CALN1: variants seen among roughly 807,000 people sequenced by gnomAD.
CALN1 encodes calneuron 1.
Under a neutral mutation model 30.6 loss-of-function variants are expected in CALN1, and 17 were observed. The observed-to-expected ratio is 0.56, with a 90% CI of 0.38 to 0.83. The LOEUF (loss-of-function observed/expected upper bound fraction) is 0.83, where lower values mean the gene tolerates loss of function less well. Ranked by LOEUF, CALN1 falls within the 40% of genes least tolerant of loss-of-function variation. CALN1 has a pLI of 0.00. For missense variants in CALN1, 291 were observed against 354.9 expected, an observed-to-expected ratio of 0.82 and a Z score of 1.45; for synonymous variants, 156 against 131.4, an observed-to-expected ratio of 1.19 and a Z score of -1.28.
At chr7:72,229,248 A>T (rs1209733255) in intron 3 of CALN1, among the ~76,000 whole-genome samples, 1 of 152,024 alleles carries the variant, frequency 6.6e-6, no homozygotes, top group East Asian at 1.9e-4. Flanking sequence ...TTGCAGATGT[A>T]AAAAGAGATC....
chr7:72,393,150 A>G (rs1432079963), intron 2 of CALN1, among the ~76,000 whole-genome samples: 1 of 152,204 alleles, frequency 6.6e-6, no homozygotes, highest in Non-Finnish European at 1.5e-5. Flanking sequence ...AACCATCTTT[A>G]AAGTCCAATA....
chr7:72,114,425 A>G (rs1807821773), intron 3 of CALN1, among the ~76,000 whole-genome samples: 1 of 151,446 alleles, frequency 6.6e-6, no homozygotes, highest in Non-Finnish European at 1.5e-5. Flanking sequence ...TCTGAGTGAT[A>G]CCCTGGTGAT....
intron 5 of CALN1, among the ~76,000 whole-genome samples, chr7:71,959,022 TG>T (rs1427334517): frequency 6.6e-6 from 1 of 152,160 alleles, no homozygotes; most frequent in Non-Finnish European, 1.5e-5. Context: ...TTGGGTCACT[TG>T]TTAGTTATAA....
chr7:72,012,578 A>ACTT (rs1164805638), intron 5 of CALN1, among the ~76,000 whole-genome samples: 1 of 152,174 alleles, frequency 6.6e-6, no homozygotes, highest in African/African-American at 2.4e-5. Context: ...ATCATTTCAG[A>ACTT]CTTTTTCCCA....
intron 4 of CALN1, among the ~76,000 whole-genome samples, chr7:72,052,051 A>T (rs1215465919): frequency 2.0e-5 from 3 of 152,168 alleles, no homozygotes; most frequent in African/African-American, 7.2e-5. Context: ...GATACAAGTG[A>T]GAAAGATGAC....
chr7:72,243,323 T>C (rs980717827), intron 3 of CALN1, among the ~76,000 whole-genome samples: 1 of 152,190 alleles, frequency 6.6e-6, no homozygotes, highest in Non-Finnish European at 1.5e-5. Context: ...CCTAGCCCTT[T>C]AGAACTATGA....
chr7:72,279,400 C>T (rs777294116), intron 2 of CALN1, among the ~76,000 whole-genome samples: 2 of 152,226 alleles, frequency 1.3e-5, no homozygotes, highest in Admixed American at 6.5e-5. Flanking sequence ...ATGCTGCTTA[C>T]ATGAGTGGTG....
At chr7:72,063,127 A>C (rs1475140170) in intron 4 of CALN1, among the ~76,000 whole-genome samples, 1 of 152,230 alleles carries the variant, frequency 6.6e-6, no homozygotes, top group African/African-American at 2.4e-5. Flanking sequence ...TGATCAAAAA[A>C]AAGGATCAAG....
intron 4 of CALN1, among the ~76,000 whole-genome samples, chr7:72,042,710 T>C (rs981431670): frequency 2.0e-5 from 3 of 152,120 alleles, no homozygotes; most frequent in African/African-American, 7.2e-5. Context: ...CACTCCAGCC[T>C]GGGCACCAGA....
At chr7:72,477,193 A>G in the CALN1 span, among the ~76,000 whole-genome samples, 7 of 151,566 alleles carry the variant, frequency 4.6e-5, no homozygotes, top group African/African-American at 1.7e-4. Flanking sequence ...CCTGGATGAC[A>G]GAGCAAGACT....
chr7:71,938,612 T>C (rs1370728138), intron 5 of CALN1, among the ~76,000 whole-genome samples: 1 of 151,900 alleles, frequency 6.6e-6, no homozygotes, highest in Non-Finnish European at 1.5e-5. Context: ...CTGGCCAACA[T>C]GGTGAAACCC....
intron 2 of CALN1, among the ~76,000 whole-genome samples, chr7:72,394,489 G>A (rs142121375): frequency 1.4e-3 from 206 of 152,182 alleles, no homozygotes; most frequent in African/African-American, 4.4e-3. Flanking sequence ...ACATCATTAC[G>A]GGACTGGTCC....
At chr7:72,141,318 G>A (rs907608009) in intron 3 of CALN1, among the ~76,000 whole-genome samples, 1 of 151,932 alleles carries the variant, frequency 6.6e-6, no homozygotes, top group African/African-American at 2.4e-5. Flanking sequence ...AAGAAAAAAA[G>A]GCCAGGTGCA....
At chr7:72,398,448 TGA>T (rs1308175106) in intron 2 of CALN1, among the ~76,000 whole-genome samples, 2 of 152,244 alleles carry the variant, frequency 1.3e-5, no homozygotes, top group Non-Finnish European at 2.9e-5. Context: ...GTTTGGAACA[TGA>T]GTTATTTTTA....
chr7:72,342,896 A>C (rs1802448400), intron 2 of CALN1, among the ~76,000 whole-genome samples: 1 of 152,096 alleles, frequency 6.6e-6, no homozygotes, highest in Admixed American at 6.6e-5. Context: ...GGAAGGTAAA[A>C]TTTTTCATGT....
At chr7:72,394,731 A>T (rs1277296104) in intron 2 of CALN1, among the ~76,000 whole-genome samples, 2 of 149,276 alleles carry the variant, frequency 1.3e-5, no homozygotes, top group Non-Finnish European at 3.0e-5. Context: ...GCGCAATCGT[A>T]GCTCACTGCA....
intron 4 of CALN1, among the ~76,000 whole-genome samples, chr7:72,089,125 T>A (rs1275796336): frequency 6.6e-6 from 1 of 151,948 alleles, no homozygotes; most frequent in Non-Finnish European, 1.5e-5. Context: ...TTGTAAAAAA[T>A]GGGAGGAACA....
At chr7:72,355,661 G>C (rs995212959) in intron 2 of CALN1, among the ~76,000 whole-genome samples, 10 of 152,128 alleles carry the variant, frequency 6.6e-5, no homozygotes, top group African/African-American at 2.4e-4. Flanking sequence ...GAATAGACAA[G>C]TCACAGGCAG....
Position 72,262,921 on chromosome 7 carries a change from G to T in CALN1, c.244+15765C>A, listed in dbSNP as rs1452933068. 5.3e-5 allele frequency among the ~76,000 whole-genome samples: 8 copies of T among 152,334 alleles called. No individual in the cohort carries two copies. In the South Asian group the frequency reaches 1.7e-3, roughly 32 times the overall value. On this transcript the variant is annotated intron_variant, in intron 3 of 6. Transcript: ENST00000395275. The stretch of plus-strand genomic sequence containing the variant: ...GGAAAGGTATCCTTATGCGCTTAGA[G>T]CTAAGACACAAAGACTCACAATGGG...
Sources: allele counts gnomAD v4.1 joint callset (sites outside exome capture counted in the v4.1 genomes callset), GRCh38; gene constraint gnomAD v4.1.1; transcripts MANE v1.5; gene names NCBI Gene and HGNC (gene_info 2026-07-23, HGNC 2026-07-21).